Variants in BTD observed in about 807,000 individuals in gnomAD.
BTD encodes the protein biotinidase, also known as biocytinase.
BTD carries 13 observed loss-of-function variants against 17.7 expected under a neutral mutation model. That is an observed-to-expected ratio of 0.74 (90% confidence interval 0.48 to 1.17). The LOEUF is 1.17. BTD is among the 50% of genes most tolerant of loss of function. BTD has a pLI of 0.00. For missense variants in BTD, 674 were observed against 650.4 expected, an observed-to-expected ratio of 1.04 and a Z score of -0.39; for synonymous variants, 240 against 245.2, an observed-to-expected ratio of 0.98 and a Z score of 0.20.
At chr3:15,676,150 G>C in intron 3 of BTD, 1 of 514,162 alleles carries the variant, frequency 1.9e-6, no homozygotes, top group East Asian at 3.1e-5. Context: ...AGGGAGAGCA[G>C]AACCTCTGTG....
At chr3:15,709,008 G>A (rs2071857523) in intron 3 of BTD, among the ~76,000 whole-genome samples, 1 of 152,184 alleles carries the variant, frequency 6.6e-6, no homozygotes, top group East Asian at 1.9e-4. Flanking sequence ...TTTCCTGTAT[G>A]GTTCTAATGC....
At chr3:15,698,408 A>T (rs977913391) in intron 3 of BTD, among the ~76,000 whole-genome samples, 1 of 152,180 alleles carries the variant, frequency 6.6e-6, no homozygotes, top group East Asian at 1.9e-4. Context: ...GGCAAGAGAA[A>T]GAAATAAAGG....
intron 2 of BTD, among the ~76,000 whole-genome samples, chr3:15,636,782 G>T (rs1211040381): frequency 2.0e-5 from 3 of 151,484 alleles, no homozygotes; most frequent in South Asian, 2.1e-4. Flanking sequence ...TGTATGGGGT[G>T]GGGGGGTGTT....
intron 3 of BTD, among the ~76,000 whole-genome samples, chr3:15,677,212 T>C (rs2067032378): frequency 6.6e-6 from 1 of 152,072 alleles, no homozygotes; most frequent in African/African-American, 2.4e-5. Context: ...CCCAAACACA[T>C]CTTGGGAGTG....
intron 3 of BTD, among the ~76,000 whole-genome samples, chr3:15,698,159 T>C (rs1401015932): frequency 6.6e-6 from 1 of 152,204 alleles, no homozygotes; most frequent in Non-Finnish European, 1.5e-5. Flanking sequence ...TCTCAATAGA[T>C]GCAGAAAAGG....
chr3:15,691,751 T>C (rs1210803978), intron 3 of BTD, among the ~76,000 whole-genome samples: 1 of 152,150 alleles, frequency 6.6e-6, no homozygotes, highest in East Asian at 1.9e-4. Flanking sequence ...CTAACTTTGT[T>C]CCTCAATACT....
At chr3:15,622,769 T>C in intron 1 of BTD, among the ~76,000 whole-genome samples, 1 of 152,270 alleles carries the variant, frequency 6.6e-6, no homozygotes. Context: ...TTTTTATTTC[T>C]TGTTGAATTA....
chr3:15,705,220 T>C (rs570912989), intron 3 of BTD, among the ~76,000 whole-genome samples: 7 of 152,300 alleles, frequency 4.6e-5, no homozygotes, highest in African/African-American at 1.7e-4. Flanking sequence ...GTAAGAAAAC[T>C]AGTGATTTTA....
rs563788095 is a variant in BTD at position 15,688,965 on chromosome 3, C to T, written c.400-21095C>T. Among the ~76,000 whole-genome samples, 8 of 152,222 alleles carry T rather than the reference C, an allele frequency of 5.3e-5. No individual in the cohort carries two copies. The South Asian group carries it at 1.7e-3, about 32-fold the overall frequency. ...TATACCAATCCAAAATAACTTCTAC[C>T]AGAAAGAAATAAATACTGCATTGTT... On this transcript the variant is annotated intron_variant, in intron 3 of 3. Transcript: ENST00000672141.
intron 1 of BTD, among the ~76,000 whole-genome samples, chr3:15,614,918 C>A (rs1485745607): frequency 6.6e-6 from 1 of 152,110 alleles, no homozygotes; most frequent in African/African-American, 2.4e-5. Flanking sequence ...ATTCTTTTAC[C>A]TGTTTTAGAG....
At chr3:15,705,689 C>T (rs1375958388) in intron 3 of BTD, among the ~76,000 whole-genome samples, 1 of 152,132 alleles carries the variant, frequency 6.6e-6, no homozygotes, top group Non-Finnish European at 1.5e-5. Context: ...ATAAAATACA[C>T]ATTACTATTG....
chr3:15,624,702 C>G (rs754831014), intron 1 of BTD, among the ~76,000 whole-genome samples: 5 of 152,046 alleles, frequency 3.3e-5, no homozygotes, highest in Non-Finnish European at 7.4e-5. Context: ...TTACAACATC[C>G]CTGCCATATC....
intron 3 of BTD, among the ~76,000 whole-genome samples, chr3:15,691,975 TAAAC>T (rs1423069372): frequency 2.6e-5 from 4 of 151,270 alleles, no homozygotes; most frequent in South Asian, 2.1e-4. Flanking sequence ...CAAAAATAAA[TAAAC>T]AAACAAATAA....
Position 15,634,441 on chromosome 3 carries a change from G to A in BTD, c.-16-983G>A, listed in dbSNP as rs1489479528. On this transcript the variant is annotated intron_variant, in intron 1 of 3. Transcript: ENST00000643237. Reference sequence around the variant, plus strand: ...AGAGGACGCTTTAGCTGGGAGGCCAGGCTGATTTTTAAAGGCAGAATTGGA... The same window carrying A: ...AGAGGACGCTTTAGCTGGGAGGCCAAGCTGATTTTTAAAGGCAGAATTGGA... Among the ~76,000 whole-genome samples, 7 of 152,312 alleles carry A rather than the reference G, an allele frequency of 4.6e-5. No homozygotes were observed. The South Asian group carries it at 1.2e-3, about 27-fold the overall frequency.
At chr3:15,719,137 G>T (rs1201142185) in intron 4 of BTD, among the ~76,000 whole-genome samples, 4 of 152,144 alleles carry the variant, frequency 2.6e-5, no homozygotes, top group Non-Finnish European at 5.9e-5. Flanking sequence ...GACATCTCAT[G>T]TTTTTTCTTC....
intron 3 of BTD, among the ~76,000 whole-genome samples, chr3:15,643,330 G>A (rs764848976): frequency 2.6e-5 from 4 of 152,150 alleles, no homozygotes; most frequent in South Asian, 2.1e-4. Flanking sequence ...GTGAAACCTC[G>A]TCTCTACAAT....
intron 3 of BTD, among the ~76,000 whole-genome samples, chr3:15,699,290 T>C (rs1361060540): frequency 1.3e-5 from 2 of 152,124 alleles, no homozygotes; most frequent in Non-Finnish European, 2.9e-5. Context: ...TAAAAAACCC[T>C]ATTAGAAAAC....
intron 3 of BTD, among the ~76,000 whole-genome samples, chr3:15,660,788 A>G (rs35797361): frequency 0.19 from 29,597 of 152,026 alleles, 3,650 homozygotes; most frequent in Non-Finnish European, 0.27. Flanking sequence ...TTCCTCCCTC[A>G]TATCCCCTGG....
At chr3:15,709,200 G>A (rs1011510815) in intron 3 of BTD, among the ~76,000 whole-genome samples, 1 of 152,114 alleles carries the variant, frequency 6.6e-6, no homozygotes, top group Non-Finnish European at 1.5e-5. Flanking sequence ...TATAGAAGAG[G>A]AGAAAGAAAA....
Sources: allele counts gnomAD v4.1 joint callset (sites outside exome capture counted in the v4.1 genomes callset), GRCh38; gene constraint gnomAD v4.1.1; transcripts MANE v1.5; gene names NCBI Gene and HGNC (gene_info 2026-07-23, HGNC 2026-07-21).